Variants in KATNAL1 observed in about 807,000 individuals in gnomAD.
The protein encoded by KATNAL1 is katanin catalytic subunit A1 like 1.
Under a neutral mutation model 55.2 loss-of-function variants are expected in KATNAL1, and 32 were observed. The ratio of observed to expected loss-of-function variants is 0.58; its 90% CI spans 0.44 to 0.78. KATNAL1 has a LOEUF of 0.78. Ranked by LOEUF, KATNAL1 falls within the 30% of genes least tolerant of loss-of-function variation. The probability of loss-of-function intolerance (pLI) is 0.00; values close to 1 mark genes in which losing one functional copy is unlikely to be tolerated. For missense variants in KATNAL1, 466 were observed against 600.9 expected (o/e 0.78, Z 2.35); for synonymous variants, 193 against 193.6 (o/e 1.00, Z 0.02).
In KATNAL1 at chr13:30,280,048, T is replaced by A. The variant is rs1462840947; in HGVS notation, c.323+15A>T. 6 of 1,600,184 alleles carry A rather than the reference T, an allele frequency of 3.7e-6. No homozygotes were observed. Among genetic ancestry groups the A allele is most frequent in the Non-Finnish European group, 5.1e-6 (6 of 1,175,822 alleles). ...TAACTAGAAGCACCTAAAGAGAATA[T>A]AAAGTCCTATTTACCTGTGTTCTGC... On this transcript the variant is annotated intron_variant, in intron 3 of 10. Coordinates refer to ENST00000380615, the MANE Select transcript of KATNAL1 (RefSeq NM_032116.5).
rs1443335606 is a variant in KATNAL1, at chr13:30,230,536, C to T, written c.944G>A (p.Arg315Gln). The change falls in exon 8 of 11, where the codon CGA becomes CAA. Residue 315 changes from arginine (R) to glutamine (Q), a missense_variant. Transcript: ENST00000380615. ...CTCATGTTCATCAGAGGTTCCTCTTCGACTGCAGATAGAATCTATCTCATC... is the reference window on the plus strand; with the variant it reads ...CTCATGTTCATCAGAGGTTCCTCTTTGACTGCAGATAGAATCTATCTCATC... ...FIDEIDSICS[R>Q]RGTSDEHEAS... 1 of 1,612,804 alleles carries T rather than the reference C, an allele frequency of 6.2e-7. No individual in the cohort carries two copies. Among genetic ancestry groups the T allele is most frequent in the Admixed American group, 1.7e-5 (1 of 59,910 alleles).
chr13:30,260,171 A>G (rs1879154607), intron 3 of KATNAL1, among the ~76,000 whole-genome samples: 1 of 152,160 alleles, frequency 6.6e-6, no homozygotes, highest in South Asian at 2.1e-4. Context: ...CCTGTCTGTT[A>G]GAAGGAAAAC....
intron 4 of KATNAL1, among the ~76,000 whole-genome samples, chr13:30,246,716 A>G (rs1188174370): frequency 6.6e-6 from 1 of 152,184 alleles, no homozygotes; most frequent in African/African-American, 2.4e-5. Flanking sequence ...AAATAACCCC[A>G]TCAAAAAGTG....
chr13:30,262,513 G>A (rs1195285549), intron 3 of KATNAL1, among the ~76,000 whole-genome samples: 1 of 152,082 alleles, frequency 6.6e-6, no homozygotes, highest in Non-Finnish European at 1.5e-5. Flanking sequence ...TCAAATAGAT[G>A]CAATAAAAAA....
chr13:30,233,248 GCAA>G (rs1387352567), intron 6 of KATNAL1, among the ~76,000 whole-genome samples: 1 of 152,012 alleles, frequency 6.6e-6, no homozygotes, highest in Non-Finnish European at 1.5e-5. Context: ...AGCAGCTCAA[GCAA>G]CTCAATAGCA....
At chr13:30,219,985 C>T (rs1593838453) in intron 9 of KATNAL1, among the ~76,000 whole-genome samples, 1 of 152,228 alleles carries the variant, frequency 6.6e-6, no homozygotes, top group Admixed American at 6.5e-5. Flanking sequence ...ATGTTTTTCT[C>T]CCTTTATTAT....
intron 3 of KATNAL1, among the ~76,000 whole-genome samples, chr13:30,273,354 A>G (rs538328138): frequency 3.3e-5 from 5 of 152,228 alleles, no homozygotes; most frequent in Non-Finnish European, 7.3e-5. Flanking sequence ...CAAGGCCACC[A>G]GTGATCTCCT....
At chr13:30,296,439 C>G in intron 1 of KATNAL1, 2 of 806,150 alleles carry the variant, frequency 2.5e-6, no homozygotes, top group Admixed American at 3.6e-5. Context: ...GGCTTGGGCC[C>G]CCTGAACATC....
chr13:30,208,299 G>A lies in KATNAL1; in HGVS notation c.*241C>T. On this transcript the variant is annotated 3_prime_UTR_variant, in exon 11 of 11. Transcript: ENST00000380615. ...GCCTCCCTGATAGACTGGTTTGGGT[G>A]TGCAATATTAATGCAGGAATACGTG... 9.7e-6 allele frequency: 4 copies of A among 410,742 alleles called. No individual in the cohort carries two copies. Among genetic ancestry groups the A allele is most frequent in the Non-Finnish European group, 1.7e-5 (4 of 231,112 alleles). 25.4% of individuals were successfully genotyped at this position (410,742 alleles called of 1,614,324 possible). A position where few individuals can be genotyped will look rare whatever the true frequency, so the allele number is the denominator to read the frequency against.
At position 30,206,578 on chromosome 13, in the gene KATNAL1, A is replaced by G. The variant is rs1873172266; in HGVS notation, c.*1962T>C. The G allele has an allele frequency of 6.6e-6, 1 of 152,162 alleles. No individual in the cohort carries two copies. Among genetic ancestry groups the G allele is most frequent in the African/African-American group, 2.4e-5 (1 of 41,452 alleles). 9.4% of individuals were successfully genotyped at this position (152,162 alleles called of 1,614,324 possible). ...AATTAAATGCACACCAAGATAATCA[A>G]TACAAAACCCAGAAAAGGTCTAACT... On this transcript the variant is annotated 3_prime_UTR_variant, in exon 11 of 11. Transcript: ENST00000380615.
intron 3 of KATNAL1, among the ~76,000 whole-genome samples, chr13:30,261,023 G>C (rs1444201790): frequency 6.6e-6 from 1 of 151,774 alleles, no homozygotes; most frequent in African/African-American, 2.4e-5. Flanking sequence ...CGGATCTCTC[G>C]GCAGAAACTC....
rs911870632 is a variant in KATNAL1 at position 30,267,251 on chromosome 13, C to T, written c.324-11636G>A. On this transcript the variant is annotated intron_variant, in intron 3 of 10. Coordinates refer to ENST00000380615, the MANE Select transcript of KATNAL1 (RefSeq NM_032116.5). ...TAACTCTAAAGACTTTAAAACTTGACGAACAATGATATTTTTTCATATTAT... is the reference window on the plus strand; with the variant it reads ...TAACTCTAAAGACTTTAAAACTTGATGAACAATGATATTTTTTCATATTAT... Among the ~76,000 whole-genome samples, 93 of 152,262 alleles carry T rather than the reference C, an allele frequency of 6.1e-4. 1 individual carries two copies. Among genetic ancestry groups the T allele is most frequent in the African/African-American group, 2.0e-3 (85 of 41,554 alleles).
At chr13:30,271,507 G>A (rs1360527374) in intron 3 of KATNAL1, among the ~76,000 whole-genome samples, 1 of 152,032 alleles carries the variant, frequency 6.6e-6, no homozygotes, top group Non-Finnish European at 1.5e-5. Context: ...AGAGGTTGGG[G>A]GGTGCGGGCG....
rs1015676716 is a variant in KATNAL1 at position 30,207,470 on chromosome 13, C to T, written c.*1070G>A. 6.6e-6 allele frequency: 1 copy of T among 152,108 alleles called. No homozygotes were observed. The highest frequency in any genetic ancestry group is 1.5e-5 in the Non-Finnish European group (1 of 68,024). The allele number at this position is 152,108 out of a possible 1,614,324, so 9.4% of individuals were successfully genotyped here. On this transcript the variant is annotated 3_prime_UTR_variant, in exon 11 of 11. Transcript: ENST00000380615. Reference sequence around the variant, plus strand: ...AACAATAAAGATTTCATTTGTTTTGCGTTAGCCACAGAGAGTGGACTTGTT... The same window carrying T: ...AACAATAAAGATTTCATTTGTTTTGTGTTAGCCACAGAGAGTGGACTTGTT...
Position 30,305,780 on chromosome 13 carries a change from C to T in KATNAL1, c.-15+1551G>A, listed in dbSNP as rs185980970. Among the ~76,000 whole-genome samples, 22 of 152,298 alleles carry T rather than the reference C, an allele frequency of 1.4e-4. No homozygotes were observed. In the East Asian group the frequency reaches 2.7e-3, roughly 19 times the overall value. ...ACACTACTGTGATGACAAGACTGCC[C>T]ATGCAGGATACAGACTATCTTTTTT... is the stretch of plus-strand genomic sequence containing the variant. On this transcript the variant is annotated intron_variant, in intron 1 of 10. Transcript: ENST00000380615.
chr13:30,253,681 A>C (rs1878543955), intron 4 of KATNAL1, among the ~76,000 whole-genome samples: 1 of 151,506 alleles, frequency 6.6e-6, no homozygotes, highest in African/African-American at 2.4e-5. Context: ...AAAAAAAAAA[A>C]AATGTATTTG....
In KATNAL1 at chr13:30,231,457, C is replaced by T; in HGVS notation, c.742G>A (p.Gly248Arg). Residue 248 changes from glycine to arginine, a missense_variant, in exon 7 of 11, where the codon GGA (glycine) becomes AGA (arginine). This residue lies in a region of KATNAL1 where 213 missense variants were observed against 308.6 expected (regional missense o/e 0.69). Transcript: ENST00000380615. ...ATAGTTTTACCAGTGCCTGGGGGTCCAACCATCAGTACACCCTGAAATTTC... is the reference window on the plus strand; with the variant it reads ...ATAGTTTTACCAGTGCCTGGGGGTCTAACCATCAGTACACCCTGAAATTTC... ...RRPWKGVLMV[G>R]PPGTGKTMLA... 6.4e-7 allele frequency: 1 copy of T among 1,569,156 alleles called. No individual in the cohort carries two copies. Among genetic ancestry groups the T allele is most frequent in the Non-Finnish European group, 8.6e-7 (1 of 1,157,468 alleles).
At chr13:30,303,934 C>T (rs1157117454) in intron 1 of KATNAL1, among the ~76,000 whole-genome samples, 1 of 152,224 alleles carries the variant, frequency 6.6e-6, no homozygotes, top group East Asian at 1.9e-4. Context: ...GCCTTTCTAT[C>T]AGACAGAACT....
At chr13:30,269,843 A>C in intron 3 of KATNAL1, among the ~76,000 whole-genome samples, 1 of 134,520 alleles carries the variant, frequency 7.4e-6, no homozygotes, top group Non-Finnish European at 1.6e-5. Context: ...CCCGGCAGCC[A>C]CCCCGTCTGG....
Sources: gnomAD v4.1 joint callset for allele counts (sites outside exome capture counted in the v4.1 genomes callset) on GRCh38, gnomAD v4.1.1 for gene constraint, gnomAD v4.1.1 regional missense constraint, MANE v1.5 for transcripts, NCBI Gene and HGNC (gene_info 2026-07-23, HGNC 2026-07-21) for gene names.